Variants in DIP2C observed in about 807,000 individuals in gnomAD.
DIP2C encodes the protein disco-interacting protein 2 homolog C.
In DIP2C, 33 loss-of-function variants were observed where a neutral mutation model predicts 192.4. The observed-to-expected ratio is 0.17, with a 90% CI of 0.13 to 0.23. The LOEUF (loss-of-function observed/expected upper bound fraction) is 0.23, where lower values mean the gene tolerates loss of function less well. Ranked by LOEUF, DIP2C falls within the 10% of genes least tolerant of loss-of-function variation. The pLI is 1.00. For synonymous variants in DIP2C, 979 were observed against 864.1 expected, an observed-to-expected ratio of 1.13 and a Z score of -2.33; for missense variants, 1,537 against 2,110.1, an observed-to-expected ratio of 0.73 and a Z score of 5.32.
At chr10:581,101 G>T (rs80181946) in intron 1 of DIP2C, among the ~76,000 whole-genome samples, 1,687 of 152,250 alleles carry the variant, frequency 0.011, 30 homozygotes, top group Admixed American at 0.039. Flanking sequence ...TTCTAGGAGC[G>T]ATGTCTGGCA....
At chr10:285,153 CAAAA>C (rs34031685) in intron 34 of DIP2C, among the ~76,000 whole-genome samples, 3 of 124,562 alleles carry the variant, frequency 2.4e-5, no homozygotes, top group Non-Finnish European at 3.3e-5. Context: ...AGTGAGGGGC[CAAAA>C]AAAAAAAAAA....
chr10:480,474 C>T (rs541076269), intron 2 of DIP2C, among the ~76,000 whole-genome samples: 2 of 151,080 alleles, frequency 1.3e-5, no homozygotes, highest in South Asian at 2.1e-4. Context: ...CACTGGATGA[C>T]GGTCTCATCT....
At chr10:412,386 G>A (rs549093095) in intron 8 of DIP2C, among the ~76,000 whole-genome samples, 6 of 152,300 alleles carry the variant, frequency 3.9e-5, no homozygotes, top group Admixed American at 6.5e-5. Flanking sequence ...ATGCAGCAGC[G>A]ACTCCAAGTA....
intron 4 of DIP2C, among the ~76,000 whole-genome samples, chr10:425,659 A>G (rs751900834): frequency 3.7e-4 from 57 of 152,180 alleles, no homozygotes; most frequent in Non-Finnish European, 7.6e-4. Context: ...GGTGACTAAT[A>G]TGACACGGAT....
chr10:522,786 A>G (rs1009821761), intron 1 of DIP2C, among the ~76,000 whole-genome samples: 1 of 152,256 alleles, frequency 6.6e-6, no homozygotes, highest in Non-Finnish European at 1.5e-5. Flanking sequence ...AGCCTTTATC[A>G]GATGAGCCTT....
Position 362,822 on chromosome 10 carries a change from G to A in DIP2C, c.2593-131C>T, listed in dbSNP as rs1370912247. On this transcript the variant is annotated intron_variant, in intron 21 of 36. Coordinates refer to ENST00000280886, the MANE Select transcript of DIP2C (RefSeq NM_014974.3). ...TAAGCACTGTTCCCAGCATAAAAAT[G>A]CCAAGGTAAGAGAAAGGATTTTCCT... The A allele has an allele frequency of 4.8e-6, 5 of 1,043,376 alleles. No homozygotes were observed. In the East Asian group the frequency reaches 1.0e-4, roughly 22 times the overall value. The allele number at this position is 1,043,376 out of a possible 1,614,324, so 64.6% of individuals were successfully genotyped here.
chr10:388,756 A>C (rs1963193371), intron 13 of DIP2C, among the ~76,000 whole-genome samples: 1 of 152,174 alleles, frequency 6.6e-6, no homozygotes, highest in Non-Finnish European at 1.5e-5. Flanking sequence ...AGAAAAAGAA[A>C]AGTGTTTCAT....
At chr10:568,798 AC>A (rs71376841) in intron 1 of DIP2C, among the ~76,000 whole-genome samples, 2,255 of 74,928 alleles carry the variant, frequency 0.03, 432 homozygotes, top group African/African-American at 0.05. Context: ...AAAAAAAAAA[AC>A]CTTCACTTGA....
chr10:566,500 ACAGTT>A (rs1198500105), intron 1 of DIP2C, among the ~76,000 whole-genome samples: 1 of 152,166 alleles, frequency 6.6e-6, no homozygotes, highest in Non-Finnish European at 1.5e-5. Context: ...TGATATTTTT[ACAGTT>A]CAGTTAGACT....
intron 1 of DIP2C, among the ~76,000 whole-genome samples, chr10:674,789 T>TATATAGAGAGAGAGAG: frequency 2.6e-4 from 16 of 62,476 alleles, no homozygotes; most frequent in African/African-American, 3.6e-4. Context: ...TATATATATA[T>TATATAGAGAGAGAGAG]AGAGAGAGAG....
At chr10:334,206 C>T (rs934400769) in intron 29 of DIP2C, among the ~76,000 whole-genome samples, 1 of 142,158 alleles carries the variant, frequency 7.0e-6, no homozygotes, top group African/African-American at 2.6e-5. Flanking sequence ...ACTTGGGAGG[C>T]TGAGGCAGGA....
At chr10:335,782 A>G (rs1261598618) in intron 29 of DIP2C, among the ~76,000 whole-genome samples, 3 of 152,168 alleles carry the variant, frequency 2.0e-5, no homozygotes, top group Non-Finnish European at 2.9e-5. Context: ...TCTTTCCTTT[A>G]ACTATTTCGT....
chr10:606,595 C>T (rs2131732993), intron 1 of DIP2C, among the ~76,000 whole-genome samples: 1 of 151,438 alleles, frequency 6.6e-6, no homozygotes, highest in African/African-American at 2.4e-5. Context: ...GCCGTAATTA[C>T]CTGCTGTGAT....
At chr10:565,459 C>G (rs183069290) in intron 1 of DIP2C, among the ~76,000 whole-genome samples, 76 of 151,632 alleles carry the variant, frequency 5.0e-4, no homozygotes, top group South Asian at 2.9e-3. Context: ...TCAGCAACTA[C>G]AGTCAGCCCA....
chr10:476,315 G>A (rs916639326), intron 2 of DIP2C, among the ~76,000 whole-genome samples: 2 of 152,202 alleles, frequency 1.3e-5, no homozygotes, highest in Admixed American at 6.5e-5. Flanking sequence ...GTCCTCCGGG[G>A]ACGGGAGATC....
Position 443,394 on chromosome 10 carries a change from G to A in DIP2C, c.269-2398C>T, listed in dbSNP as rs1269203864. Among the ~76,000 whole-genome samples the A allele has an allele frequency of 1.3e-5, 2 of 152,018 alleles. 1 individual carries two copies. Among genetic ancestry groups the A allele is most frequent in the East Asian group, 3.8e-4 (2 of 5,200 alleles). ...ATTCATAATTATAATGGTTTGTTTTGGTGCTCAATTGGTTCCAGATTTGAC... is the reference window on the plus strand; with the variant it reads ...ATTCATAATTATAATGGTTTGTTTTAGTGCTCAATTGGTTCCAGATTTGAC... On this transcript the variant is annotated intron_variant, in intron 3 of 36. Coordinates refer to ENST00000280886, the MANE Select transcript of DIP2C (RefSeq NM_014974.3).
intron 29 of DIP2C, among the ~76,000 whole-genome samples, chr10:337,899 TGTG>T (rs1564577277): frequency 1.3e-5 from 2 of 151,254 alleles, no homozygotes; most frequent in South Asian, 2.1e-4. Context: ...GCTGTGTGTG[TGTG>T]TTGTGGAGGC....
At chr10:376,249 GC>G (rs1961568719) in intron 17 of DIP2C, among the ~76,000 whole-genome samples, 1 of 150,052 alleles carries the variant, frequency 6.7e-6, no homozygotes, top group African/African-American at 2.5e-5. Flanking sequence ...GCCGACCTCG[GC>G]CCCCGACAGA....
chr10:370,072 C>G, intron 17 of DIP2C: 1 of 983,292 alleles, frequency 1.0e-6, no homozygotes, highest in Non-Finnish European at 1.2e-6. Context: ...AACCACTGAA[C>G]AGCAATGATG....
Sources: allele counts gnomAD v4.1 joint callset (sites outside exome capture counted in the v4.1 genomes callset), GRCh38; gene constraint gnomAD v4.1.1; transcripts MANE v1.5; gene names NCBI Gene and HGNC (gene_info 2026-07-23, HGNC 2026-07-21).